Variants in KRT37 observed in about 807,000 individuals in gnomAD.
KRT37 encodes the protein keratin, type I cuticular Ha7.
In KRT37, 38 loss-of-function variants were observed where a neutral mutation model predicts 41.9. The observed-to-expected ratio is 0.91, with a 90% confidence interval of 0.70 to 1.19. The LOEUF (loss-of-function observed/expected upper bound fraction) is 1.19, where lower values mean the gene tolerates loss of function less well. Ranked by LOEUF, KRT37 falls within the 50% of genes most tolerant of loss-of-function variation. KRT37 has a pLI of 0.00. For synonymous variants in KRT37, 252 were observed against 243.4 expected (o/e 1.04, Z -0.33); for missense variants, 580 against 575.5 (o/e 1.01, Z -0.08).
chr17:41,420,807 G>A lies in KRT37; in HGVS notation c.*71C>T, dbSNP rs533113564. The stretch of plus-strand genomic sequence containing the variant: ...CTCAGTGAGTCTAGTCTTGAAGGAA[G>A]ACTGGGCAAGGTGAGGGCACTCCTG... On this transcript the variant is annotated 3_prime_UTR_variant, in exon 7 of 7. Coordinates refer to ENST00000225550, the MANE Select transcript of KRT37 (RefSeq NM_003770.5). The A allele has an allele frequency of 5.1e-6, 5 of 985,288 alleles. No homozygotes were observed. The African/African-American group carries it at 7.9e-5, about 16-fold the overall frequency. The allele number at this position is 985,288 out of a possible 1,614,324, so 61.0% of individuals were successfully genotyped here.
At chr17:41,422,505 T>C (rs866787089) in intron 3 of KRT37, 71 bp from the exon 4 acceptor site, 14 of 1,571,788 alleles carry the variant, frequency 8.9e-6, no homozygotes, top group Middle Eastern at 3.4e-4. Flanking sequence ...GCACCAGGAC[T>C]CCGTCCCTGG....
At chr17:41,421,954 G>A in intron 5 of KRT37, 115 bp downstream of exon 5, 1 of 1,554,866 alleles carries the variant, frequency 6.4e-7, no homozygotes, top group Middle Eastern at 1.7e-4. Context: ...CGGGTATAGA[G>A]GACCCCAGAT....
chr17:41,422,507 C>T (rs568902721), intron 3 of KRT37, 73 bp from the exon 4 acceptor site: 92 of 1,568,092 alleles, frequency 5.9e-5, no homozygotes, highest in Middle Eastern at 1.7e-4. Context: ...ACCAGGACTC[C>T]GTCCCTGGCA....
Position 41,421,541 on chromosome 17 carries a change from C to G in KRT37, c.1067G>C (p.Gly356Ala), listed in dbSNP as rs774073737. ...GCTCTGCATCTGGGCCAGCTCTGTG[C>G]CGTAGCGGTCCTCCGCTTCACACAG... ...NSLCEAEDRYGTELAQMQSLI... is the reference protein window; with the variant it reads ...NSLCEAEDRYATELAQMQSLI... The change falls in exon 6 of 7, where the codon GGC becomes GCC. Residue 356 changes from glycine (G) to alanine (A), a missense_variant. Gly to Ala is a moderately conservative substitution (Grantham distance 60). Transcript: ENST00000225550. The G allele has an allele frequency of 3.7e-6, 6 of 1,614,102 alleles. No individual in the cohort carries two copies. In the Admixed American group the frequency reaches 1.0e-4, roughly 27 times the overall value.
chr17:41,421,939 TC>T, intron 5 of KRT37, 129 bp downstream of exon 5: 2 of 1,485,516 alleles, frequency 1.3e-6, no homozygotes, highest in Non-Finnish European at 9.1e-7. Flanking sequence ...GCAAGACGTC[TC>T]CATCGGGTAT....
rs755489791 is a variant in KRT37 at position 41,424,340 on chromosome 17, G to A, written c.184C>T (p.Leu62=). The A allele has an allele frequency of 6.2e-7, 1 of 1,613,924 alleles. No homozygotes were observed. The highest frequency in any genetic ancestry group is 1.1e-5 in the South Asian group (1 of 91,084). The change falls in exon 1 of 7, where the codon CTG becomes TTG. Residue 62 remains leucine, a synonymous_variant. Coordinates refer to ENST00000225550, the MANE Select transcript of KRT37 (RefSeq NM_003770.5). ...ANRVRVGSTP[L]GRPSLCLPPT... is the part of the protein sequence containing the mutation. ...GGCAGACAGAGGCTGGGGCGGCCCA[G>A]GGGAGTCGACCCCACACGGACTCTG...
Position 41,422,322 on chromosome 17 carries a change from G to T in KRT37, c.845C>A (p.Ala282Asp). 6.2e-7 allele frequency: 1 copy of T among 1,614,156 alleles called. No individual in the cohort carries two copies. The highest frequency in any genetic ancestry group is 8.5e-7 in the Non-Finnish European group (1 of 1,180,022). Residue 282 changes from alanine to aspartate, a missense_variant, in exon 4 of 7, where the codon GCC becomes GAC. By Grantham distance (126) the Ala-to-Asp change is moderately radical (BLOSUM62 -2). Coordinates refer to ENST00000225550, the MANE Select transcript of KRT37 (RefSeq NM_003770.5). ...ATCCTGGTGGTTGGTCTCCACCATG[G>T]CCTCGTACTGAGCCCGCATCTCCCC... ...VLGEMRAQYE[A>D]MVETNHQDVE... is the part of the protein sequence containing the mutation.
Position 41,422,794 on chromosome 17 carries a change from T to C in KRT37, c.716A>G (p.Lys239Arg). The change falls in exon 3 of 7, where the codon AAG (lysine) becomes AGG (arginine). Residue 239 changes from lysine (K) to arginine (R), a missense_variant. Lys to Arg is a conservative substitution (Grantham distance 26). Coordinates refer to ENST00000225550, the MANE Select transcript of KRT37 (RefSeq NM_003770.5). ...ESLKEEQLSL[K>R]SNHEQEVKIL... Reference sequence around the variant, plus strand: ...GGGCCACACCTGCTCGTGGTTGCTCTTGAGGGAGAGCTGCTCCTCCTTCAG... The same window carrying C: ...GGGCCACACCTGCTCGTGGTTGCTCCTGAGGGAGAGCTGCTCCTCCTTCAG... 1 of 1,610,534 alleles carries C rather than the reference T, an allele frequency of 6.2e-7. No individual in the cohort carries two copies.
rs112805472 is a variant in KRT37 at position 41,424,065 on chromosome 17, G to C, written c.459C>G (p.Ser153=). ...GGAGCTCCTCGATTGTACGGAAGTA[G>C]GACTGGTAGTCGGGGCACACGGTGG... ...HESTVCPDYQ[S]YFRTIEELQQ... The change falls in exon 1 of 7, where the codon TCC becomes TCG. Residue 153 remains serine, a synonymous_variant. Transcript: ENST00000225550. 58 of 1,614,192 alleles carry C rather than the reference G, an allele frequency of 3.6e-5. No homozygotes were observed. Among genetic ancestry groups the C allele is most frequent in the African/African-American group, 2.9e-4 (22 of 75,056 alleles).
chr17:41,423,315 T>C (rs899042672), intron 2 of KRT37: 2 of 258,448 alleles, frequency 7.7e-6, no homozygotes, highest in Non-Finnish European at 1.5e-5. Flanking sequence ...TTGGATTCAT[T>C]ATTTCTCGTT....
rs1268949137 is a variant in KRT37, at chr17:41,420,563, G to A, written c.*315C>T. 6.6e-6 allele frequency among the ~76,000 whole-genome samples: 1 copy of A among 152,174 alleles called. No individual in the cohort carries two copies. Among genetic ancestry groups the A allele is most frequent in the Non-Finnish European group, 1.5e-5 (1 of 68,046 alleles). ...AGACAGCACTTGGTGCAGGAAGGAGGTTTATTGACCATTTAATGCAGGGAA... is the reference window on the plus strand; with the variant it reads ...AGACAGCACTTGGTGCAGGAAGGAGATTTATTGACCATTTAATGCAGGGAA... On this transcript the variant is annotated 3_prime_UTR_variant, in exon 7 of 7. Transcript: ENST00000225550.
At position 41,422,290 on chromosome 17, in the gene KRT37, G is replaced by GT; in HGVS notation, c.876dup (p.Gln293ThrfsTer8). 5 of 1,614,136 alleles carry GT rather than the reference G, an allele frequency of 3.1e-6. No individual in the cohort carries two copies. Among genetic ancestry groups the GT allele is most frequent in the Non-Finnish European group, 4.2e-6 (5 of 1,180,026 alleles). Reference sequence around the variant, plus strand: ...CCACTCACCTGGGCTTGGAACCACTGTTCCACATCCTGGTGGTTGGTCTCC... The same window carrying GT: ...CCACTCACCTGGGCTTGGAACCACTGTTTCCACATCCTGGTGGTTGGTCTCC... On this transcript the variant is annotated frameshift_variant, in exon 4 of 7. Coordinates refer to ENST00000225550, the MANE Select transcript of KRT37 (RefSeq NM_003770.5). LOFTEE classifies it high-confidence loss of function.
At chr17:41,423,990 G>A (rs754294336) in intron 1 of KRT37, 42 bp downstream of exon 1, 4 of 1,605,030 alleles carry the variant, frequency 2.5e-6, no homozygotes, top group Non-Finnish European at 3.4e-6. Context: ...GAAGGCTTCT[G>A]CCTTCTCAGA....
intron 2 of KRT37, 121 bp downstream of exon 2, chr17:41,423,641 A>T (rs987559079): frequency 2.6e-6 from 2 of 779,308 alleles, no homozygotes; most frequent in Non-Finnish European, 4.2e-6. Context: ...AGGTGTGGAG[A>T]GAAATATTCT....
chr17:41,421,468 C>G lies in KRT37; in HGVS notation c.1140G>C (p.Leu380=), dbSNP rs775398455. Residue 380 remains leucine, a synonymous_variant, in exon 6 of 7, where the codon CTG becomes CTC. Coordinates refer to ENST00000225550, the MANE Select transcript of KRT37 (RefSeq NM_003770.5). ...EEQLSEIRAD[L]ERQNQEYQVL... The stretch of plus-strand genomic sequence containing the variant: ...CCTGGTACTCCTGGTTCTGCCGCTC[C>G]AGGTCGGCCCGGATCTCAGACAACT... 2 of 1,614,102 alleles carry G rather than the reference C, an allele frequency of 1.2e-6. No individual in the cohort carries two copies. Among genetic ancestry groups the G allele is most frequent in the Non-Finnish European group, 1.7e-6 (2 of 1,180,046 alleles).
chr17:41,421,445 T>C lies in KRT37; in HGVS notation c.1163A>G (p.Gln388Arg), dbSNP rs568385758. ...CCGGGCCTTCACGTCCAGCAGCACC[T>C]GGTACTCCTGGTTCTGCCGCTCCAG... The part of the protein sequence containing the change: ...ADLERQNQEY[Q>R]VLLDVKARLE... Residue 388 changes from glutamine to arginine, a missense_variant, in exon 6 of 7, where the codon CAG becomes CGG. Gln to Arg is a conservative substitution (Grantham distance 43). Transcript: ENST00000225550. 277 of 1,614,202 alleles carry C rather than the reference T, an allele frequency of 1.7e-4. 3 individuals are homozygous for C. In the South Asian group the frequency reaches 2.5e-3, roughly 15 times the overall value.
intron 1 of KRT37, 58 bp downstream of exon 1, chr17:41,423,974 T>C (rs2018577909): frequency 6.2e-7 from 1 of 1,602,062 alleles, no homozygotes; most frequent in African/African-American, 1.3e-5. Flanking sequence ...TGCAGATTCC[T>C]CCTGCGAAGG....
chr17:41,422,576 T>C, intron 3 of KRT37, 142 bp from the exon 4 acceptor site: 1 of 1,344,094 alleles, frequency 7.4e-7, no homozygotes, highest in South Asian at 1.4e-5. Flanking sequence ...CAGAGTGCAT[T>C]TGGGAGAGCC....
In KRT37 at chr17:41,421,516, G is replaced by C; in HGVS notation, c.1092C>G (p.Ser364Arg). The C allele has an allele frequency of 6.2e-7, 1 of 1,614,204 alleles. No homozygotes were observed. The highest frequency in any genetic ancestry group is 8.5e-7 in the Non-Finnish European group (1 of 1,180,042). Residue 364 changes from serine (S) to arginine (R), a missense_variant, in exon 6 of 7, where the codon AGC (serine) becomes AGG (arginine). By Grantham distance (110) the Ser-to-Arg change is moderately radical (BLOSUM62 -1). Transcript: ENST00000225550. ...ACTGCTCTTCCAAGTTGCTAATGAG[G>C]CTCTGCATCTGGGCCAGCTCTGTGC... Reference protein sequence around the residue: ...RYGTELAQMQSLISNLEEQLS... With the variant: ...RYGTELAQMQRLISNLEEQLS...
Sources: allele counts gnomAD v4.1 joint callset (sites outside exome capture counted in the v4.1 genomes callset), GRCh38; gene constraint gnomAD v4.1.1; transcripts MANE v1.5; gene names NCBI Gene and HGNC (gene_info 2026-07-23, HGNC 2026-07-21).